The following SASH1 variants were observed in gnomAD, a reference collection of about 807,000 sequenced individuals.
The protein encoded by SASH1 is SAM and SH3 domain containing 1.
In SASH1, 44 loss-of-function variants were observed where a neutral mutation model predicts 125.2. The observed-to-expected ratio is 0.35, with a 90% CI of 0.28 to 0.45. SASH1 has a LOEUF of 0.45. SASH1 is among the 20% of genes least tolerant of loss of function. SASH1 has a pLI of 1.00. For synonymous variants in SASH1, 639 were observed against 649.1 expected, an observed-to-expected ratio of 0.98 and a Z score of 0.24; for missense variants, 1,426 against 1,614.5, an observed-to-expected ratio of 0.88 and a Z score of 2.00.
At chr6:148,332,094 C>G (rs1781011900) in intron 1 of SASH1, among the ~76,000 whole-genome samples, 1 of 152,148 alleles carries the variant, frequency 6.6e-6, no homozygotes. Context: ...TTAGTTTGCT[C>G]TTAGCTCTTC....
chr6:148,471,960 A>T (rs371048960), intron 6 of SASH1, among the ~76,000 whole-genome samples: 1 of 151,832 alleles, frequency 6.6e-6, no homozygotes, highest in South Asian at 2.1e-4. Context: ...GCCCCTGGAA[A>T]CTCCAGTGGT....
chr6:148,434,080 T>C (rs1271786646), intron 2 of SASH1, among the ~76,000 whole-genome samples: 1 of 133,838 alleles, frequency 7.5e-6, no homozygotes, highest in Non-Finnish European at 1.6e-5. Flanking sequence ...TTTTTTTTTT[T>C]TTTTTTTTTT....
intron 2 of SASH1, among the ~76,000 whole-genome samples, chr6:148,427,784 C>A (rs1192904392): frequency 1.3e-5 from 2 of 152,236 alleles, no homozygotes; most frequent in Non-Finnish European, 2.9e-5. Flanking sequence ...TCTTCCCAGA[C>A]TGATTTCTGT....
rs1196742453 is a variant in SASH1, at chr6:148,387,639, T to G, written c.157-2495T>G. Among the ~76,000 whole-genome samples, 10 of 51,128 alleles carry G rather than the reference T, an allele frequency of 2.0e-4. 1 individual carries two copies. Among genetic ancestry groups the G allele is most frequent in the African/African-American group, 7.4e-4 (10 of 13,594 alleles). 33.5% of individuals were successfully genotyped at this position (51,128 alleles called of 152,430 possible). ...TTCTTTCTTTCTTTCTTTCTTTCTTTCTTTCTTTCTTTCTTTCTTTCTTTC... is the reference window on the plus strand; with the variant it reads ...TTCTTTCTTTCTTTCTTTCTTTCTTGCTTTCTTTCTTTCTTTCTTTCTTTC... On this transcript the variant is annotated intron_variant, in intron 1 of 19. Transcript: ENST00000367467.
chr6:148,332,021 C>T (rs1202064210), intron 1 of SASH1, among the ~76,000 whole-genome samples: 2 of 152,144 alleles, frequency 1.3e-5, no homozygotes, highest in African/African-American at 2.4e-5. Flanking sequence ...TGCAGCCTCA[C>T]TTTGTTTATT....
chr6:148,320,437 C>G (rs1320368056), intron 1 of SASH1, among the ~76,000 whole-genome samples: 3 of 152,230 alleles, frequency 2.0e-5, no homozygotes, highest in African/African-American at 4.8e-5. Flanking sequence ...TTTACTCCCT[C>G]TCTCCCTAAT....
chr6:148,341,085 C>G (rs546839642), upstream of SASH1, among the ~76,000 whole-genome samples: 5 of 152,216 alleles, frequency 3.3e-5, no homozygotes, highest in African/African-American at 9.6e-5. Flanking sequence ...CAGTGAGCTA[C>G]GATTGCAGCA....
chr6:148,458,247 T>G (rs1777452640), intron 4 of SASH1, among the ~76,000 whole-genome samples: 2 of 152,154 alleles, frequency 1.3e-5, no homozygotes, highest in African/African-American at 4.8e-5. Flanking sequence ...GCAAAAGGCA[T>G]GTAGATGGAG....
At chr6:148,393,892 T>C (rs926142781) in intron 2 of SASH1, 12 of 161,522 alleles carry the variant, frequency 7.4e-5, no homozygotes, top group Non-Finnish European at 1.1e-4. Flanking sequence ...CTCTCTCTTT[T>C]TTTTTTTTTT....
chr6:148,361,011 A>T (rs544516352), intron 1 of SASH1, among the ~76,000 whole-genome samples: 2 of 152,250 alleles, frequency 1.3e-5, no homozygotes, highest in African/African-American at 4.8e-5. Flanking sequence ...ACAGACACAG[A>T]TGTGCACGGG....
the SASH1 span, among the ~76,000 whole-genome samples, chr6:148,224,638 G>C: frequency 6.6e-6 from 1 of 152,160 alleles, no homozygotes. Flanking sequence ...TGAGATTGCA[G>C]AAGTGAGCCA....
chr6:148,350,849 G>T (rs12661272), intron 1 of SASH1, among the ~76,000 whole-genome samples: 1 of 152,002 alleles, frequency 6.6e-6, no homozygotes, highest in Non-Finnish European at 1.5e-5. Context: ...TATTTTTTGA[G>T]TACATAAATT....
the SASH1 span, among the ~76,000 whole-genome samples, chr6:148,219,406 T>C: frequency 6.6e-6 from 1 of 152,120 alleles, no homozygotes; most frequent in South Asian, 2.1e-4. Flanking sequence ...ACCTCCCCAT[T>C]TCCCCTATGA....
At chr6:148,256,003 C>T in the SASH1 span, among the ~76,000 whole-genome samples, 2 of 152,096 alleles carry the variant, frequency 1.3e-5, no homozygotes, top group African/African-American at 2.4e-5. Context: ...ACAGAATGGA[C>T]ATTTTTGCTT....
chr6:148,401,245 C>A (rs1316475645), intron 2 of SASH1, among the ~76,000 whole-genome samples: 2 of 149,998 alleles, frequency 1.3e-5, no homozygotes, highest in Non-Finnish European at 1.5e-5. Context: ...CAGAATGAGA[C>A]CCTATCTCAA....
intron 9 of SASH1, among the ~76,000 whole-genome samples, chr6:148,518,884 C>G (rs962725076): frequency 2.0e-5 from 3 of 152,208 alleles, no homozygotes; most frequent in Non-Finnish European, 2.9e-5. Context: ...TGTCAGGGCC[C>G]TTAAACGCCC....
chr6:148,221,970 ATCT>A, the SASH1 span, among the ~76,000 whole-genome samples: 1 of 151,980 alleles, frequency 6.6e-6, no homozygotes. Context: ...CTTCCTTTGC[ATCT>A]TTTTTCACTA....
chr6:148,201,519 A>G, the SASH1 span, among the ~76,000 whole-genome samples: 2 of 151,970 alleles, frequency 1.3e-5, no homozygotes, highest in African/African-American at 2.4e-5. Context: ...GGGACCCCCA[A>G]ATTTGCATTT....
At chr6:148,289,626 A>G (rs1018511204) in intron 1 of SASH1, among the ~76,000 whole-genome samples, 7 of 152,174 alleles carry the variant, frequency 4.6e-5, no homozygotes, top group African/African-American at 1.4e-4. Flanking sequence ...AGAGACATAG[A>G]CAATTGTTAC....
Sources: allele counts gnomAD v4.1 joint callset (sites outside exome capture counted in the v4.1 genomes callset), GRCh38; gene constraint gnomAD v4.1.1; transcripts MANE v1.5; gene names NCBI Gene and HGNC (gene_info 2026-07-23, HGNC 2026-07-21).